Variants in SLIT2 observed in about 807,000 individuals in gnomAD.
The protein encoded by SLIT2 is slit homolog 2 protein.
SLIT2 carries 41 observed loss-of-function variants against 185.7 expected under a neutral mutation model. The ratio of observed to expected loss-of-function variants is 0.22; its 90% CI spans 0.17 to 0.29. The LOEUF is 0.29. Among genes scored for constraint, SLIT2 ranks in the 10% least tolerant of loss-of-function variants. SLIT2 has a pLI of 1.00. For missense variants in SLIT2, 1,571 were observed against 1,909.0 expected, an observed-to-expected ratio of 0.82 and a Z score of 3.30; for synonymous variants, 693 against 680.2, an observed-to-expected ratio of 1.02 and a Z score of -0.29.
At chr4:20,535,025 G>T (rs749066477) in intron 18 of SLIT2, among the ~76,000 whole-genome samples, 3 of 152,106 alleles carry the variant, frequency 2.0e-5, no homozygotes, top group Non-Finnish European at 4.4e-5. Context: ...TGAGGACTGG[G>T]CGCGGTGGCT....
chr4:20,472,303 G>GATATATAGATATAT lies in SLIT2; in HGVS notation c.467+4482_467+4483insATATAGATATATAT, dbSNP rs1266183007. The stretch of plus-strand genomic sequence containing the variant: ...ATATATATAGATATATAGATATATA[G>GATATATAGATATAT]ATCTATATATAGATATATATATCTA... On this transcript the variant is annotated intron_variant, in intron 5 of 36. Coordinates refer to ENST00000504154, the MANE Select transcript of SLIT2 (RefSeq NM_004787.4). 1.9e-4 allele frequency among the ~76,000 whole-genome samples: 6 copies of GATATATAGATATAT among 30,974 alleles called. 2 individuals are homozygous for GATATATAGATATAT. Among genetic ancestry groups the GATATATAGATATAT allele is most frequent in the East Asian group, 1.0e-3 (1 of 978 alleles). The allele number at this position is 30,974 out of a possible 152,430, so 20.3% of individuals were successfully genotyped here. A position where few individuals can be genotyped will look rare whatever the true frequency, so the allele number is the denominator to read the frequency against.
chr4:20,315,025 A>G (rs1274163022), intron 4 of SLIT2, among the ~76,000 whole-genome samples: 2 of 89,710 alleles, frequency 2.2e-5, no homozygotes, highest in Non-Finnish European at 4.9e-5. Context: ...ATTAATTATT[A>G]TAATTAAAAA....
intron 4 of SLIT2, chr4:20,394,482 A>G (rs1725719440): frequency 6.6e-6 from 1 of 151,924 alleles, no homozygotes; most frequent in Non-Finnish European, 1.5e-5. Flanking sequence ...TCTCCAAGCC[A>G]CCTACTAATC....
chr4:20,468,094 G>A (rs190945465), intron 5 of SLIT2, among the ~76,000 whole-genome samples: 22 of 151,998 alleles, frequency 1.4e-4, no homozygotes, highest in African/African-American at 4.8e-4. Context: ...GATTTGATTC[G>A]CAGATATTTG....
intron 4 of SLIT2, among the ~76,000 whole-genome samples, chr4:20,340,335 C>T (rs1217798086): frequency 6.6e-6 from 1 of 152,002 alleles, no homozygotes. Flanking sequence ...GAAATAATAA[C>T]CACAAAAACA....
chr4:20,383,876 T>A (rs948773723), intron 4 of SLIT2, among the ~76,000 whole-genome samples: 4 of 151,982 alleles, frequency 2.6e-5, no homozygotes, highest in African/African-American at 9.7e-5. Flanking sequence ...CTAATTTTTT[T>A]AGTATTTTTG....
intron 4 of SLIT2, among the ~76,000 whole-genome samples, chr4:20,324,494 A>G (rs1379673000): frequency 2.0e-5 from 3 of 152,170 alleles, no homozygotes; most frequent in Non-Finnish European, 4.4e-5. Context: ...AAAGGGCAGA[A>G]ACCTGCAAGT....
intron 9 of SLIT2, among the ~76,000 whole-genome samples, chr4:20,506,760 T>C (rs1560483871): frequency 6.6e-6 from 1 of 151,972 alleles, no homozygotes; most frequent in Non-Finnish European, 1.5e-5. Flanking sequence ...AGAACAGACA[T>C]TTTATAATAT....
At chr4:20,331,235 G>T (rs1019835374) in intron 4 of SLIT2, among the ~76,000 whole-genome samples, 8 of 152,074 alleles carry the variant, frequency 5.3e-5, no homozygotes, top group Admixed American at 2.6e-4. Context: ...AATAAATTAT[G>T]ATGGCATAGG....
intron 9 of SLIT2, among the ~76,000 whole-genome samples, chr4:20,506,483 A>G (rs1036913969): frequency 1.3e-5 from 2 of 152,018 alleles, no homozygotes; most frequent in African/African-American, 4.8e-5. Flanking sequence ...CAGGACAGCA[A>G]TGCTAGAAAA....
chr4:20,363,677 A>G (rs552924520), intron 4 of SLIT2, among the ~76,000 whole-genome samples: 1 of 152,250 alleles, frequency 6.6e-6, no homozygotes, highest in African/African-American at 2.4e-5. Context: ...CTAGGAAGAA[A>G]CACACTTCCT....
At chr4:20,521,170 T>C (rs180957375) in intron 12 of SLIT2, among the ~76,000 whole-genome samples, 29 of 152,330 alleles carry the variant, frequency 1.9e-4, no homozygotes, top group East Asian at 1.5e-3. Flanking sequence ...TCCACACTTA[T>C]TGGTAGTTGA....
At chr4:20,319,959 G>A (rs972252524) in intron 4 of SLIT2, among the ~76,000 whole-genome samples, 1 of 152,046 alleles carries the variant, frequency 6.6e-6, no homozygotes, top group East Asian at 1.9e-4. Context: ...GCAGATCTCC[G>A]ACGCCCGTGA....
intron 4 of SLIT2, among the ~76,000 whole-genome samples, chr4:20,408,057 C>G (rs1283093720): frequency 6.6e-6 from 1 of 152,132 alleles, no homozygotes; most frequent in Non-Finnish European, 1.5e-5. Flanking sequence ...TTATCTCCAC[C>G]TGCATCAAAA....
At chr4:20,552,458 T>A (rs1006987028) in intron 25 of SLIT2, 4 of 151,942 alleles carry the variant, frequency 2.6e-5, no homozygotes, top group Admixed American at 6.6e-5. Flanking sequence ...ACGTGCAGGT[T>A]TGTTTGTGCC....
rs184854309 is a variant in SLIT2 at position 20,416,152 on chromosome 4, G to A, written c.396-51600G>A. Among the ~76,000 whole-genome samples, 847 of 152,126 alleles carry A rather than the reference G, an allele frequency of 5.6e-3. 17 individuals carry two copies. The highest frequency in any genetic ancestry group is 0.027 in the Middle Eastern group (8 of 294). On this transcript the variant is annotated intron_variant, in intron 4 of 36. Coordinates refer to ENST00000504154, the MANE Select transcript of SLIT2 (RefSeq NM_004787.4). ...TATTATTGTCATTCTTTCTGGATTC[G>A]TCCACTAGGGCTACCATAGCAAAAT...
At chr4:20,404,628 A>G (rs1008081936) in intron 4 of SLIT2, among the ~76,000 whole-genome samples, 2 of 152,044 alleles carry the variant, frequency 1.3e-5, no homozygotes, top group Admixed American at 1.3e-4. Flanking sequence ...CCAACGAATG[A>G]ATGCATGAAT....
At chr4:20,402,808 T>C (rs1393230842) in intron 4 of SLIT2, among the ~76,000 whole-genome samples, 1 of 151,844 alleles carries the variant, frequency 6.6e-6, no homozygotes, top group Non-Finnish European at 1.5e-5. Flanking sequence ...AGAATTTTAC[T>C]TTTTTAGTAT....
chr4:20,400,303 T>C (rs575397211), intron 4 of SLIT2, among the ~76,000 whole-genome samples: 3 of 151,634 alleles, frequency 2.0e-5, no homozygotes, highest in African/African-American at 7.3e-5. Context: ...TTTAGTAATA[T>C]AGAAGAGGGA....
Sources: gnomAD v4.1 joint callset for allele counts (sites outside exome capture counted in the v4.1 genomes callset) on GRCh38, gnomAD v4.1.1 for gene constraint, MANE v1.5 for transcripts, NCBI Gene and HGNC (gene_info 2026-07-23, HGNC 2026-07-21) for gene names.